Variants in USP25 observed in about 807,000 individuals in gnomAD.
The protein encoded by USP25 is ubiquitin specific peptidase 25.
In USP25, 85 loss-of-function variants were observed where a neutral mutation model predicts 158.5. That is an observed-to-expected ratio of 0.54 (90% CI 0.45 to 0.64). The LOEUF (loss-of-function observed/expected upper bound fraction) is 0.64, where lower values mean the gene tolerates loss of function less well. Among genes scored for constraint, USP25 ranks in the 30% least tolerant of loss-of-function variants. USP25 has a pLI of 0.00. For missense variants in USP25, 1,242 were observed against 1,327.3 expected (o/e 0.94, Z 1.00); for synonymous variants, 464 against 460.4 (o/e 1.01, Z -0.10).
At position 15,864,474 on chromosome 21, in the gene USP25, C is replaced by G. The variant is rs748594856; in HGVS notation, c.2726+28C>G. 5.8e-6 allele frequency: 9 copies of G among 1,546,710 alleles called. No individual in the cohort carries two copies. The South Asian group carries it at 1.1e-4, about 19-fold the overall frequency. ...AATTTGAAAGTATAAAATTCATATG[C>G]TCAAATCGTTCTTTTTTTTTTTCCT... is the stretch of plus-strand genomic sequence containing the variant. On this transcript the variant is annotated intron_variant, in intron 21 of 25. Coordinates refer to ENST00000400183, the MANE Select transcript of USP25 (RefSeq NM_001283041.3).
In USP25 at chr21:15,864,383, A is replaced by G; in HGVS notation, c.2663A>G (p.Lys888Arg). Residue 888 changes from lysine to arginine, a missense_variant, in exon 21 of 26, where the codon AAG (lysine) becomes AGG (arginine). Coordinates refer to ENST00000400183, the MANE Select transcript of USP25 (RefSeq NM_001283041.3). ...VVYFIQNQAPKKIIEKTLLEQ... is the reference protein window; with the variant it reads ...VVYFIQNQAPRKIIEKTLLEQ... ...TACTTTATCCAGAACCAGGCACCAA[A>G]GAAAATTATTGAGAAAACATTACTA... is the stretch of plus-strand genomic sequence containing the variant. The G allele has an allele frequency of 6.2e-7, 1 of 1,612,784 alleles. No individual in the cohort carries two copies. Among genetic ancestry groups the G allele is most frequent in the Middle Eastern group, 1.7e-4 (1 of 6,058 alleles).
chr21:15,730,643 A>G (rs1269983446), intron 1 of USP25, among the ~76,000 whole-genome samples: 1 of 152,300 alleles, frequency 6.6e-6, no homozygotes, highest in Non-Finnish European at 1.5e-5. Flanking sequence ...GCGGGCTTCA[A>G]TCCACTTCCT....
rs767253288 is a variant in USP25 at position 15,878,325 on chromosome 21, A to T, written c.3228A>T (p.Thr1076=). The change falls in exon 26 of 26, where the codon ACA becomes ACT. Residue 1076 remains threonine (T), a synonymous_variant. Transcript: ENST00000400183. ...CAGCACACCTCCAAGAAAAGCTGACAGATTTTTTGCCAAAACTGCTTGATT... is the reference window on the plus strand; with the variant it reads ...CAGCACACCTCCAAGAAAAGCTGACTGATTTTTTGCCAAAACTGCTTGATT... ...EMEPHLQEKL[T]DFLPKLLDCS... 34 of 1,612,168 alleles carry T rather than the reference A, an allele frequency of 2.1e-5. No individual in the cohort carries two copies. In the East Asian group the frequency reaches 7.1e-4, roughly 34 times the overall value.
intron 22 of USP25, 96 bp downstream of exon 22, chr21:15,866,440 A>T: frequency 1.2e-6 from 1 of 826,656 alleles, no homozygotes; most frequent in East Asian, 3.0e-5. Context: ...TGAATTTGTT[A>T]TGAATGATGA....
chr21:15,825,165 A>G, intron 12 of USP25, 104 bp downstream of exon 12: 1 of 787,380 alleles, frequency 1.3e-6, no homozygotes, highest in Non-Finnish European at 2.0e-6. Context: ...TAATTTTAGG[A>G]GTAGTTAATA....
chr21:15,860,551 G>A (rs948653022), intron 20 of USP25, among the ~76,000 whole-genome samples: 3 of 152,022 alleles, frequency 2.0e-5, no homozygotes. Flanking sequence ...ATAATTTAGA[G>A]CCATATTTTA....
chr21:15,841,636 C>T (rs1319147328), intron 17 of USP25, among the ~76,000 whole-genome samples: 4 of 152,024 alleles, frequency 2.6e-5, no homozygotes, highest in African/African-American at 9.7e-5. Context: ...GCCATTGTTC[C>T]CATATAAAGT....
intron 11 of USP25, 101 bp downstream of exon 11, chr21:15,824,267 C>A: frequency 7.0e-7 from 1 of 1,422,926 alleles, no homozygotes; most frequent in African/African-American, 1.5e-5. Flanking sequence ...GAATTAATTT[C>A]TACTTTTGCA....
chr21:15,765,220 T>C (rs556433416), intron 2 of USP25, among the ~76,000 whole-genome samples: 1 of 152,282 alleles, frequency 6.6e-6, no homozygotes, highest in Admixed American at 6.5e-5. Flanking sequence ...TATGTTGTTT[T>C]GGTTAACTGT....
At chr21:15,844,853 A>G (rs1211544947) in intron 18 of USP25, among the ~76,000 whole-genome samples, 3 of 152,084 alleles carry the variant, frequency 2.0e-5, no homozygotes, top group African/African-American at 7.2e-5. Flanking sequence ...GCCTTCTTTT[A>G]ATCACTTACC....
chr21:15,787,825 A>G (rs1272888868), intron 4 of USP25, among the ~76,000 whole-genome samples: 1 of 151,204 alleles, frequency 6.6e-6, no homozygotes, highest in South Asian at 2.1e-4. Flanking sequence ...TAGGTGAGCT[A>G]TGAAGTGGGA....
chr21:15,773,040 T>C lies in USP25; in HGVS notation c.269-4864T>C, dbSNP rs145936216. 2.8e-3 allele frequency among the ~76,000 whole-genome samples: 426 copies of C among 152,328 alleles called. 4 individuals carry two copies. The highest frequency in any genetic ancestry group is 5.0e-3 in the South Asian group (24 of 4,828). On this transcript the variant is annotated intron_variant, in intron 3 of 25. Transcript: ENST00000400183. ...TAAAATAATAAGTAAACCTCCTCCA[T>C]TGCTTAAAGGAAAAAGTCCCAGCTT... is the stretch of plus-strand genomic sequence containing the variant.
intron 7 of USP25, among the ~76,000 whole-genome samples, 185 bp from the exon 8 acceptor site, chr21:15,808,624 A>T (rs2036507375): frequency 6.6e-6 from 1 of 151,894 alleles, no homozygotes; most frequent in South Asian, 2.1e-4. Context: ...TTGTTTTTTC[A>T]AATATCTTAT....
intron 1 of USP25, among the ~76,000 whole-genome samples, chr21:15,735,398 G>A (rs138340777): frequency 6.6e-6 from 1 of 152,240 alleles, no homozygotes; most frequent in Non-Finnish European, 1.5e-5. Context: ...CATTTACATT[G>A]TGTTAGGTAT....
intron 8 of USP25, among the ~76,000 whole-genome samples, chr21:15,810,269 TATC>T (rs1265646321): frequency 6.6e-6 from 1 of 152,142 alleles, no homozygotes; most frequent in Non-Finnish European, 1.5e-5. Flanking sequence ...GAGAAGTACT[TATC>T]AACATTATTC....
At chr21:15,834,564 C>T (rs1185949571) in intron 17 of USP25, among the ~76,000 whole-genome samples, 1 of 152,074 alleles carries the variant, frequency 6.6e-6, no homozygotes, top group Non-Finnish European at 1.5e-5. Flanking sequence ...TCAGCATTAT[C>T]ATTTGAACTT....
intron 3 of USP25, among the ~76,000 whole-genome samples, chr21:15,774,479 A>G (rs538983471): frequency 2.0e-5 from 3 of 152,306 alleles, no homozygotes; most frequent in Admixed American, 6.5e-5. Context: ...TCCTTAAAGC[A>G]ACAGGCTCAC....
Position 15,870,717 on chromosome 21 carries a change from C to T in USP25, c.2885+570C>T, listed in dbSNP as rs377152555. 8.5e-5 allele frequency among the ~76,000 whole-genome samples: 13 copies of T among 152,270 alleles called. No homozygotes were observed. In the East Asian group the frequency reaches 1.2e-3, roughly 14 times the overall value. On this transcript the variant is annotated intron_variant, in intron 23 of 25. Coordinates refer to ENST00000400183, the MANE Select transcript of USP25 (RefSeq NM_001283041.3). Reference sequence around the variant, plus strand: ...CTTAATGCGTGTTGTTGAACATTAACTTCCCTAGTGATTGTTTTTTGAGAA... The same window carrying T: ...CTTAATGCGTGTTGTTGAACATTAATTTCCCTAGTGATTGTTTTTTGAGAA...
At chr21:15,874,719 A>G (rs1182801486) in intron 24 of USP25, among the ~76,000 whole-genome samples, 193 bp downstream of exon 24, 1 of 152,202 alleles carries the variant, frequency 6.6e-6, no homozygotes, top group Non-Finnish European at 1.5e-5. Flanking sequence ...ATGAATCCCA[A>G]GTACTATAGG....
Sources: allele counts gnomAD v4.1 joint callset (sites outside exome capture counted in the v4.1 genomes callset), GRCh38; gene constraint gnomAD v4.1.1; transcripts MANE v1.5; gene names NCBI Gene and HGNC (gene_info 2026-07-23, HGNC 2026-07-21).